Variants in HHIP observed in about 807,000 individuals in gnomAD.
The protein encoded by HHIP is hedgehog-interacting protein.
In HHIP, 12 loss-of-function variants were observed where a neutral mutation model predicts 74.0. The ratio of observed to expected loss-of-function variants is 0.16; its 90% CI spans 0.10 to 0.26. The LOEUF is 0.26. Ranked by LOEUF, HHIP falls within the 10% of genes least tolerant of loss-of-function variation. The pLI is 1.00. For synonymous variants in HHIP, 309 were observed against 311.6 expected (o/e 0.99, Z 0.09); for missense variants, 788 against 845.0 (o/e 0.93, Z 0.84).
Position 144,706,535 on chromosome 4 carries a change from G to A in HHIP, c.836G>A (p.Gly279Glu). Residue 279 changes from glycine to glutamate, a missense_variant, in exon 5 of 13, where the codon GGA becomes GAA. Transcript: ENST00000296575. ...GTGTTTTTCATTTGACTGCAGGGAG[G>A]AGATGAAAGAGGACTGCTAAGCCTC... The part of the protein sequence containing the change: ...HKLVQSGIKG[G>E]DERGLLSLAF... 6.2e-7 allele frequency: 1 copy of A among 1,606,200 alleles called. No homozygotes were observed. The highest frequency in any genetic ancestry group is 1.1e-5 in the South Asian group (1 of 89,092).
chr4:144,725,893 A>T (rs1397997304), intron 11 of HHIP, among the ~76,000 whole-genome samples: 4 of 151,796 alleles, frequency 2.6e-5, no homozygotes, highest in Admixed American at 1.3e-4. Context: ...CTGGTCTCGA[A>T]CTCCTGGCCT....
At position 144,744,929 on chromosome 4, in the gene HHIP, C is replaced by A. The variant is rs930394230; in HGVS notation, c.*6972C>A. The A allele has an allele frequency of 1.3e-5, 2 of 152,184 alleles. No homozygotes were observed. The highest frequency in any genetic ancestry group is 4.8e-5 in the African/African-American group (2 of 41,438). The allele number at this position is 152,184 out of a possible 1,614,324, so 9.4% of individuals were successfully genotyped here. A position where few individuals can be genotyped will look rare whatever the true frequency, so the allele number is the denominator to read the frequency against. The stretch of plus-strand genomic sequence containing the variant: ...ATCTGTGTGTATCTGTACGTGTGCA[C>A]ACACCCATGTATATATATTTATCTA... On this transcript the variant is annotated 3_prime_UTR_variant, in exon 13 of 13. Coordinates refer to ENST00000296575, the MANE Select transcript of HHIP (RefSeq NM_022475.3).
At chr4:144,716,879 A>AAAAAAAAAG in intron 10 of HHIP, among the ~76,000 whole-genome samples, 1 of 146,672 alleles carries the variant, frequency 6.8e-6, no homozygotes, top group African/African-American at 2.6e-5. Flanking sequence ...AAAAAAAAAA[A>AAAAAAAAAG]AAAAAAAAAG....
chr4:144,674,688 C>T (rs1441266810), intron 4 of HHIP, among the ~76,000 whole-genome samples: 2 of 151,950 alleles, frequency 1.3e-5, no homozygotes, highest in Admixed American at 6.6e-5. Context: ...AGGTACACAC[C>T]TTTTTAAGTC....
intron 4 of HHIP, chr4:144,660,422 G>A (rs530591462): frequency 6.6e-6 from 1 of 152,626 alleles, no homozygotes; most frequent in South Asian, 2.1e-4. Context: ...TGTCAAGTTT[G>A]TTTCACAAGA....
chr4:144,718,566 T>C (rs1730526731), intron 10 of HHIP, among the ~76,000 whole-genome samples: 1 of 152,148 alleles, frequency 6.6e-6, no homozygotes, highest in African/African-American at 2.4e-5. Context: ...GGCTGGTACG[T>C]TGAGAATACA....
At chr4:144,694,852 A>G (rs1200547183) in intron 4 of HHIP, among the ~76,000 whole-genome samples, 3 of 151,872 alleles carry the variant, frequency 2.0e-5, no homozygotes, top group African/African-American at 7.2e-5. Flanking sequence ...TGAAATAATA[A>G]GTCCATTTTA....
At chr4:144,736,189 G>T (rs571586626) in intron 12 of HHIP, among the ~76,000 whole-genome samples, 75 of 146,092 alleles carry the variant, frequency 5.1e-4, no homozygotes, top group Middle Eastern at 3.6e-3. Flanking sequence ...AGGCTGGAGG[G>T]CAGTGAGGCA....
rs889298522 is a variant in HHIP at position 144,651,412 on chromosome 4, AT to A, written c.280-1188del. Among the ~76,000 whole-genome samples the A allele has an allele frequency of 1.3e-3, 200 of 152,130 alleles. 3 individuals are homozygous for A. The highest frequency in any genetic ancestry group is 4.7e-3 in the African/African-American group (194 of 41,554). ...CGTTACTTTGCTCTTGCAGATTCAA[AT>A]TTTTGTGATGACCTAGAATATCATT... On this transcript the variant is annotated intron_variant, in intron 1 of 12. Coordinates refer to ENST00000296575, the MANE Select transcript of HHIP (RefSeq NM_022475.3).
At chr4:144,693,701 G>A (rs1729738043) in intron 4 of HHIP, among the ~76,000 whole-genome samples, 1 of 151,660 alleles carries the variant, frequency 6.6e-6, no homozygotes, top group Non-Finnish European at 1.5e-5. Flanking sequence ...TTTTAGATAT[G>A]TATAATGTAT....
chr4:144,660,096 G>T, intron 4 of HHIP: 1 of 530,808 alleles, frequency 1.9e-6, no homozygotes, highest in Admixed American at 3.5e-5. Flanking sequence ...ACATTTAAAG[G>T]AATCTTTGGC....
At chr4:144,730,498 G>A (rs922211484) in intron 11 of HHIP, among the ~76,000 whole-genome samples, 3 of 152,106 alleles carry the variant, frequency 2.0e-5, no homozygotes, top group Non-Finnish European at 4.4e-5. Flanking sequence ...TTAGTAAAGT[G>A]AAGGTTCCAA....
intron 4 of HHIP, among the ~76,000 whole-genome samples, chr4:144,666,904 T>G (rs1728879089): frequency 6.6e-6 from 1 of 152,152 alleles, no homozygotes; most frequent in African/African-American, 2.4e-5. Context: ...ACACCTAATA[T>G]TTTGCATGCA....
In HHIP at chr4:144,657,499, A is replaced by G. The variant is rs575183671; in HGVS notation, c.473-1291A>G. Among the ~76,000 whole-genome samples, 8 of 152,312 alleles carry G rather than the reference A, an allele frequency of 5.3e-5. No homozygotes were observed. In the South Asian group the frequency reaches 1.7e-3, roughly 32 times the overall value. The stretch of plus-strand genomic sequence containing the variant: ...AAGCAGCAATTTAGGACCATATATA[A>G]GACTGACTCTGGTAATACCGTCATA... On this transcript the variant is annotated intron_variant, in intron 2 of 12. Transcript: ENST00000296575.
intron 11 of HHIP, among the ~76,000 whole-genome samples, chr4:144,734,114 T>C (rs1731041162): frequency 6.6e-6 from 1 of 151,828 alleles, no homozygotes; most frequent in Non-Finnish European, 1.5e-5. Context: ...TGGATCTTTC[T>C]GTGCATGGAG....
chr4:144,737,842 G>A lies in HHIP; in HGVS notation c.1988G>A (p.Gly663Asp), dbSNP rs1731159960. Residue 663 changes from glycine to aspartate, a missense_variant, in exon 13 of 13, where the codon GGT (glycine) becomes GAT (aspartate). Around this residue, in one of 3 missense-constraint regions of HHIP, gnomAD observed 343 missense variants for 347.9 expected, o/e 0.99. Transcript: ENST00000296575. Reference sequence around the variant, plus strand: ...TGCCTCTGTAAAAAAGGATATCTTGGTCCTCAATGTGAACAAGTGGACAGA... The same window carrying A: ...TGCCTCTGTAAAAAAGGATATCTTGATCCTCAATGTGAACAAGTGGACAGA... ...NKCLCKKGYL[G>D]PQCEQVDRNI... 1 of 1,613,622 alleles carries A rather than the reference G, an allele frequency of 6.2e-7. No homozygotes were observed. The highest frequency in any genetic ancestry group is 1.1e-5 in the South Asian group (1 of 91,068).
rs544750032 is a variant in HHIP, at chr4:144,695,250, T to C, written c.832-11281T>C. On this transcript the variant is annotated intron_variant, in intron 4 of 12. Transcript: ENST00000296575. ...AGAATTGAACCTCTCCAAACATAAA[T>C]AGTATTTCCTTTATTCTGTGGCATC... 9.9e-5 allele frequency among the ~76,000 whole-genome samples: 15 copies of C among 151,952 alleles called. No individual in the cohort carries two copies. In the East Asian group the frequency reaches 2.7e-3, roughly 27 times the overall value.
At chr4:144,665,492 A>G (rs1728836312) in intron 4 of HHIP, among the ~76,000 whole-genome samples, 1 of 152,220 alleles carries the variant, frequency 6.6e-6, no homozygotes, top group Admixed American at 6.5e-5. Context: ...TCTGTGAAAA[A>G]TGTCATTTTC....
At chr4:144,655,753 C>CTCTTTTTT (rs3041434) in intron 2 of HHIP, among the ~76,000 whole-genome samples, 1 of 150,968 alleles carries the variant, frequency 6.6e-6, no homozygotes, top group Non-Finnish European at 1.5e-5. Context: ...GAGTCAGTAA[C>CTCTTTTTT]TTTTTTTTCC....
Sources: allele counts gnomAD v4.1 joint callset (sites outside exome capture counted in the v4.1 genomes callset), GRCh38; gene constraint gnomAD v4.1.1; regional missense constraint gnomAD v4.1.1; transcripts MANE v1.5; gene names NCBI Gene and HGNC (gene_info 2026-07-23, HGNC 2026-07-21).